DENND5B: variants seen among roughly 807,000 people sequenced by gnomAD.
The protein encoded by DENND5B is DENN domain-containing protein 5B.
A neutral mutation model predicts 140.6 loss-of-function variants in DENND5B; 34 were observed. The ratio of observed to expected loss-of-function variants is 0.24; its 90% CI spans 0.18 to 0.32. The LOEUF is 0.32. Among genes scored for constraint, DENND5B ranks in the 10% least tolerant of loss-of-function variants. The pLI, the probability that DENND5B is intolerant of heterozygous loss-of-function variation, is 1.00. For synonymous variants in DENND5B, 551 were observed against 562.1 expected (o/e 0.98, Z 0.28); for missense variants, 1,142 against 1,560.2 (o/e 0.73, Z 4.52).
chr12:31,405,738 G>A (rs192055055), intron 14 of DENND5B, among the ~76,000 whole-genome samples: 1 of 151,974 alleles, frequency 6.6e-6, no homozygotes, highest in Non-Finnish European at 1.5e-5. Flanking sequence ...AGCAGAGACG[G>A]GGTTTTATCA....
chr12:31,386,793 C>T lies in DENND5B; in HGVS notation c.*810G>A, dbSNP rs960482242. 3 of 152,178 alleles carry T rather than the reference C, an allele frequency of 2.0e-5. No homozygotes were observed. Among genetic ancestry groups the T allele is most frequent in the Non-Finnish European group, 4.4e-5 (3 of 68,032 alleles). 9.4% of individuals were successfully genotyped at this position (152,178 alleles called of 1,614,324 possible). A position where few individuals can be genotyped will look rare whatever the true frequency, so the allele number is the denominator to read the frequency against. ...AGTTCTTATCACTATGAATCTAACA[C>T]TGAAATTCACATCTTCCCAAAGTAC... On this transcript the variant is annotated 3_prime_UTR_variant, in exon 21 of 21. Coordinates refer to ENST00000389082, the MANE Select transcript of DENND5B (RefSeq NM_144973.4).
At chr12:31,418,284 T>TTTC (rs1555141264) in intron 11 of DENND5B, among the ~76,000 whole-genome samples, 3 of 147,352 alleles carry the variant, frequency 2.0e-5, no homozygotes, top group South Asian at 2.2e-4. Context: ...TTTCTTTTCT[T>TTTC]TTTTTTTTTT....
intron 7 of DENND5B, among the ~76,000 whole-genome samples, chr12:31,436,109 CA>C (rs1292940479): frequency 2.5e-4 from 38 of 150,708 alleles, no homozygotes; most frequent in African/African-American, 8.5e-4. Context: ...AAAGCCCCCC[CA>C]CTTTTTTTTT....
chr12:31,446,975 A>G (rs1157587189), intron 6 of DENND5B, among the ~76,000 whole-genome samples: 1 of 152,044 alleles, frequency 6.6e-6, no homozygotes, highest in Admixed American at 6.6e-5. Flanking sequence ...AATAAAGAGA[A>G]TAAAACAAAA....
intron 14 of DENND5B, among the ~76,000 whole-genome samples, chr12:31,408,624 C>CAAAAAAAA (rs33965275): frequency 2.8e-5 from 2 of 71,960 alleles, no homozygotes; most frequent in Non-Finnish European, 4.8e-5. Context: ...GAGACTCTAT[C>CAAAAAAAA]AAAAAAAAAA....
chr12:31,422,998 T>G (rs1943094619), intron 11 of DENND5B, among the ~76,000 whole-genome samples: 1 of 151,472 alleles, frequency 6.6e-6, no homozygotes, highest in South Asian at 2.1e-4. Context: ...TGTAGTGCAG[T>G]GGCGCCTTCT....
rs1451116503 is a variant in DENND5B at position 31,413,444 on chromosome 12, T to A, written c.2673A>T (p.Pro891=). Residue 891 remains proline (P), a synonymous_variant, in exon 13 of 21, where the codon CCA becomes CCT. Transcript: ENST00000389082. The part of the protein sequence containing the change: ...QHLKQLLSNQ[P]LTKKLYKRYA... ...CAAAGATGGTATCTTACTTGGTGAG[T>A]GGTTGGTTAGAAAGCAACTGCTTAA... 5.5e-5 allele frequency: 88 copies of A among 1,612,550 alleles called. No homozygotes were observed. Among genetic ancestry groups the A allele is most frequent in the Non-Finnish European group, 7.3e-5 (86 of 1,179,254 alleles).
intron 9 of DENND5B, among the ~76,000 whole-genome samples, chr12:31,424,959 T>C (rs1943170177): frequency 6.6e-6 from 1 of 152,218 alleles, no homozygotes; most frequent in Non-Finnish European, 1.5e-5. Flanking sequence ...GATGCTTATA[T>C]ACAACAGTTG....
intron 3 of DENND5B, among the ~76,000 whole-genome samples, chr12:31,469,858 C>T (rs1945460991): frequency 1.3e-5 from 2 of 152,134 alleles, no homozygotes; most frequent in South Asian, 4.2e-4. Context: ...GTGATTCTGG[C>T]TCCCCTTCAC....
At chr12:31,530,817 G>A (rs1040020234) in intron 1 of DENND5B, among the ~76,000 whole-genome samples, 5 of 152,214 alleles carry the variant, frequency 3.3e-5, no homozygotes, top group Admixed American at 6.5e-5. Context: ...ACCCAAGCCT[G>A]GGATCTCAAG....
At chr12:31,555,699 C>T (rs965258360) in intron 1 of DENND5B, among the ~76,000 whole-genome samples, 5 of 152,242 alleles carry the variant, frequency 3.3e-5, no homozygotes, top group African/African-American at 4.8e-5. Flanking sequence ...TGGGCTCCAC[C>T]CAGTTCGAGC....
At chr12:31,475,486 A>G (rs1355199873) in intron 3 of DENND5B, among the ~76,000 whole-genome samples, 3 of 152,180 alleles carry the variant, frequency 2.0e-5, no homozygotes, top group Non-Finnish European at 2.9e-5. Context: ...AGTGGCTCAC[A>G]CCTGTAAACC....
chr12:31,563,136 C>T (rs980862050), intron 1 of DENND5B, among the ~76,000 whole-genome samples: 1 of 151,972 alleles, frequency 6.6e-6, no homozygotes, highest in African/African-American at 2.4e-5. Flanking sequence ...ACCCTGGGGC[C>T]ATGTTTTTTC....
At chr12:31,409,825 G>A (rs887986693) in intron 13 of DENND5B, among the ~76,000 whole-genome samples, 1 of 151,760 alleles carries the variant, frequency 6.6e-6, no homozygotes, top group African/African-American at 2.4e-5. Flanking sequence ...TTTCCAGGAT[G>A]GGGTCTCGCT....
intron 5 of DENND5B, among the ~76,000 whole-genome samples, chr12:31,449,793 G>C (rs1047290163): frequency 4.2e-5 from 6 of 142,530 alleles, no homozygotes; most frequent in Non-Finnish European, 9.0e-5. Context: ...CCAGTGGCGT[G>C]ATCTCAGCTC....
At position 31,590,913 on chromosome 12, in the gene DENND5B, G is replaced by C; in HGVS notation, c.-81C>G. 2.6e-6 allele frequency: 3 copies of C among 1,154,000 alleles called. No individual in the cohort carries two copies. The highest frequency in any genetic ancestry group is 3.2e-6 in the Non-Finnish European group (3 of 939,534). The allele number at this position is 1,154,000 out of a possible 1,614,324, so 71.5% of individuals were successfully genotyped here. A position where few individuals can be genotyped will look rare whatever the true frequency, so the allele number is the denominator to read the frequency against. ...GGAGGCTGCCACCACCGCTCCGGCT[G>C]TGGTCTGTGCGCCCGCCCTAGGGCG... On this transcript the variant is annotated 5_prime_UTR_variant, in exon 1 of 21. Transcript: ENST00000389082.
At chr12:31,503,392 T>C (rs1947084183) in intron 1 of DENND5B, among the ~76,000 whole-genome samples, 1 of 152,034 alleles carries the variant, frequency 6.6e-6, no homozygotes, top group Non-Finnish European at 1.5e-5. Flanking sequence ...AAACCCTGTC[T>C]CTACAAAAAA....
At position 31,519,245 on chromosome 12, in the gene DENND5B, T is replaced by C. The variant is rs572699811; in HGVS notation, c.128-23326A>G. ...AAATGGTAAAGAAATTAGATTTGCA[T>C]CCTTTGCTACTCTCTGAACTTGAAA... On this transcript the variant is annotated intron_variant, in intron 1 of 20. Transcript: ENST00000389082. 9.2e-5 allele frequency among the ~76,000 whole-genome samples: 14 copies of C among 152,320 alleles called. No homozygotes were observed. The South Asian group carries it at 2.9e-3, about 32-fold the overall frequency.
chr12:31,459,991 T>C (rs1944941261), intron 4 of DENND5B, among the ~76,000 whole-genome samples: 1 of 152,204 alleles, frequency 6.6e-6, no homozygotes, highest in Admixed American at 6.5e-5. Flanking sequence ...CACTGTCTTG[T>C]TTTAAACCAG....
Sources: gnomAD v4.1 joint callset for allele counts (sites outside exome capture counted in the v4.1 genomes callset) on GRCh38, gnomAD v4.1.1 for gene constraint, MANE v1.5 for transcripts, NCBI Gene and HGNC (gene_info 2026-07-23, HGNC 2026-07-21) for gene names.